The following KLRG1 variants were observed in gnomAD, a reference collection of about 807,000 sequenced individuals.
The protein encoded by KLRG1 is killer cell lectin like receptor G1, also known as killer cell lectin-like receptor subfamily G member 1.
In KLRG1, 16 loss-of-function variants were observed where a neutral mutation model predicts 21.8. The ratio of observed to expected loss-of-function variants is 0.73; its 90% confidence interval spans 0.50 to 1.11. The LOEUF is 1.11. Ranked by LOEUF, KLRG1 falls within the 50% of genes most tolerant of loss-of-function variation. The probability of loss-of-function intolerance (pLI) is 0.00; values close to 1 mark genes in which losing one functional copy is unlikely to be tolerated. For missense variants in KLRG1, 173 were observed against 218.3 expected (o/e 0.79, Z 1.31); for synonymous variants, 69 against 75.9 (o/e 0.91, Z 0.47).
At chr12:9,056,108 G>T in the KLRG1 span, among the ~76,000 whole-genome samples, 1 of 152,292 alleles carries the variant, frequency 6.6e-6, no homozygotes, top group Non-Finnish European at 1.5e-5. Context: ...CCTATCGGCT[G>T]CAGGGGACAC....
the KLRG1 span, among the ~76,000 whole-genome samples, chr12:9,143,039 A>G: frequency 6.6e-6 from 1 of 152,356 alleles, no homozygotes; most frequent in Middle Eastern, 3.4e-3. Flanking sequence ...AAAAACATAA[A>G]GGCCTTTGAA....
chr12:9,100,651 GA>G, the KLRG1 span, among the ~76,000 whole-genome samples: 10 of 152,012 alleles, frequency 6.6e-5, no homozygotes, highest in Admixed American at 6.5e-4. Context: ...TAAAGGGTGA[GA>G]AAAAAACCAT....
At chr12:9,153,436 G>A in the KLRG1 span, 7 of 1,031,008 alleles carry the variant, frequency 6.8e-6, no homozygotes, top group African/African-American at 1.1e-4. Context: ...CATGAGGGAA[G>A]CTGGCTTTTT....
chr12:8,961,292 G>T lies in KLRG1; in HGVS notation c.-156+11056G>T, dbSNP rs1029455627. On this transcript the variant is annotated intron_variant, in intron 1 of 4. Coordinates refer to the KLRG1 transcript ENST00000539240. ...TGAAACTTGGCAGGTTAATGTGTTT[G>T]CTCAGAAGTAGCATAAAATCTCTGA... Among the ~76,000 whole-genome samples the T allele has an allele frequency of 3.2e-4, 49 of 152,294 alleles. 1 individual carries two copies. Among genetic ancestry groups the T allele is most frequent in the African/African-American group, 1.1e-3 (47 of 41,556 alleles).
chr12:9,072,664 C>T, the KLRG1 span: 2 of 1,614,116 alleles, frequency 1.2e-6, no homozygotes, highest in Admixed American at 1.7e-5. Context: ...TGGAGGTAGA[C>T]ACATCCTTCT....
the KLRG1 span, among the ~76,000 whole-genome samples, chr12:9,194,461 AG>A: frequency 4.4e-5 from 5 of 113,152 alleles, no homozygotes; most frequent in South Asian, 3.0e-4. Context: ...AAAGTCAGGG[AG>A]TTTTTTTTTT....
At chr12:8,960,224 C>G (rs1946360811) in intron 1 of KLRG1, among the ~76,000 whole-genome samples, 1 of 152,158 alleles carries the variant, frequency 6.6e-6, no homozygotes. Context: ...CCAGACAGAG[C>G]CTGCCAGTTT....
intron 1 of KLRG1, among the ~76,000 whole-genome samples, chr12:8,967,277 T>G (rs1249429865): frequency 6.6e-6 from 1 of 151,974 alleles, no homozygotes; most frequent in Non-Finnish European, 1.5e-5. Context: ...ATGGCACATG[T>G]ATACATATGT....
the KLRG1 span, among the ~76,000 whole-genome samples, chr12:9,082,259 C>G: frequency 6.6e-6 from 1 of 152,344 alleles, no homozygotes; most frequent in East Asian, 1.9e-4. Flanking sequence ...CCTAACCTCA[C>G]AGCCCGGATT....
At chr12:8,993,892 A>G (rs957287763) in intron 2 of KLRG1, among the ~76,000 whole-genome samples, 20 of 152,304 alleles carry the variant, frequency 1.3e-4, no homozygotes, top group Admixed American at 9.8e-4. Context: ...CTGCAATTAT[A>G]TATCTACACA....
At chr12:9,195,202 C>T in the KLRG1 span, among the ~76,000 whole-genome samples, 3 of 151,472 alleles carry the variant, frequency 2.0e-5, no homozygotes, top group Non-Finnish European at 4.4e-5. Flanking sequence ...CATGTACTCC[C>T]CAAAATTGAT....
the KLRG1 span, among the ~76,000 whole-genome samples, chr12:9,082,161 C>G: frequency 6.6e-6 from 1 of 152,216 alleles, no homozygotes; most frequent in Non-Finnish European, 1.5e-5. Flanking sequence ...CTCCATGGCT[C>G]CATTCACAAG....
chr12:9,072,768 G>A, the KLRG1 span: 2 of 1,614,172 alleles, frequency 1.2e-6, no homozygotes, highest in Admixed American at 1.7e-5. Context: ...GAATTTGCTG[G>A]AAAATGTCCC....
chr12:9,193,309 C>A, the KLRG1 span, among the ~76,000 whole-genome samples: 2 of 152,064 alleles, frequency 1.3e-5, no homozygotes, highest in African/African-American at 4.8e-5. Flanking sequence ...CTTCAAAGTG[C>A]ACTTATTTTT....
chr12:9,140,036 G>A, the KLRG1 span, among the ~76,000 whole-genome samples: 2 of 152,198 alleles, frequency 1.3e-5, no homozygotes, highest in African/African-American at 4.8e-5. Flanking sequence ...AGGTTATCTT[G>A]GGATGGGCAT....
At chr12:9,050,701 C>T in the KLRG1 span, among the ~76,000 whole-genome samples, 2 of 152,080 alleles carry the variant, frequency 1.3e-5, no homozygotes, top group Non-Finnish European at 2.9e-5. Flanking sequence ...AGACCTGGGC[C>T]TCGCGCTCCA....
At chr12:9,135,308 G>A in the KLRG1 span, 1 of 286,984 alleles carries the variant, frequency 3.5e-6, no homozygotes. Flanking sequence ...CCCTGGACAG[G>A]CAGCACAGTG....
chr12:9,159,951 G>T, the KLRG1 span: 3 of 1,612,682 alleles, frequency 1.9e-6, no homozygotes, highest in Non-Finnish European at 2.5e-6. Flanking sequence ...GTGTTGCCCT[G>T]GTTCCTGCCA....
intron 1 of KLRG1, among the ~76,000 whole-genome samples, chr12:8,972,629 G>A (rs1252393346): frequency 6.6e-6 from 1 of 152,102 alleles, no homozygotes. Context: ...GTAAATACGT[G>A]GATTTGTTGT....
Sources: allele counts gnomAD v4.1 joint callset (sites outside exome capture counted in the v4.1 genomes callset), GRCh38; gene constraint gnomAD v4.1.1; transcripts MANE v1.5; gene names NCBI Gene and HGNC (gene_info 2026-07-23, HGNC 2026-07-21).